Variants in TRPM3 observed in about 807,000 individuals in gnomAD.
TRPM3 encodes the protein transient receptor potential cation channel subfamily M member 3.
TRPM3 carries 77 observed loss-of-function variants against 181.2 expected under a neutral mutation model. The ratio of observed to expected loss-of-function variants is 0.42; its 90% CI spans 0.35 to 0.51. TRPM3 has a LOEUF of 0.51. TRPM3 is among the 20% of genes least tolerant of loss of function. TRPM3 has a pLI of 0.01. For missense variants in TRPM3, 1,759 were observed against 2,196.7 expected (o/e 0.80, Z 3.98); for synonymous variants, 745 against 796.4 (o/e 0.94, Z 1.09).
intron 1 of TRPM3, among the ~76,000 whole-genome samples, chr9:70,905,277 C>G (rs976671093): frequency 1.3e-5 from 2 of 152,136 alleles, no homozygotes; most frequent in African/African-American, 4.8e-5. Context: ...CTGGAGATAC[C>G]AAATACACAT....
intron 1 of TRPM3, among the ~76,000 whole-genome samples, chr9:71,114,801 A>G (rs964533447): frequency 1.3e-5 from 2 of 152,192 alleles, no homozygotes; most frequent in Non-Finnish European, 2.9e-5. Flanking sequence ...AAGGGGGCAT[A>G]TGTAGGATGT....
chr9:70,573,699 C>T (rs896364186), intron 22 of TRPM3, among the ~76,000 whole-genome samples: 4 of 152,084 alleles, frequency 2.6e-5, no homozygotes, highest in African/African-American at 9.7e-5. Context: ...AAAAAAAACC[C>T]TTGAATTTCC....
chr9:70,615,604 G>A (rs1235767974), intron 18 of TRPM3, among the ~76,000 whole-genome samples: 2 of 152,130 alleles, frequency 1.3e-5, no homozygotes, highest in Non-Finnish European at 2.9e-5. Flanking sequence ...CACATCATCT[G>A]GTTGTTTAAA....
At chr9:71,292,531 A>G (rs2085904271) in intron 1 of TRPM3, among the ~76,000 whole-genome samples, 1 of 152,034 alleles carries the variant, frequency 6.6e-6, no homozygotes, top group African/African-American at 2.4e-5. Flanking sequence ...GAACATTCTT[A>G]GAAATGTGTG....
chr9:71,119,766 T>C (rs1346370253), intron 1 of TRPM3, among the ~76,000 whole-genome samples: 2 of 152,132 alleles, frequency 1.3e-5, no homozygotes, highest in Admixed American at 6.5e-5. Context: ...CTGGAGAAAA[T>C]GTACACCAAT....
intron 6 of TRPM3, among the ~76,000 whole-genome samples, chr9:70,786,311 CAAAAAAAA>C (rs71367227): frequency 9.2e-5 from 5 of 54,472 alleles, no homozygotes; most frequent in Admixed American, 2.5e-4. Flanking sequence ...CTAAAAATAC[CAAAAAAAA>C]AAAAAAAAAA....
At chr9:70,967,410 T>A (rs1268962689) in intron 1 of TRPM3, among the ~76,000 whole-genome samples, 1 of 151,972 alleles carries the variant, frequency 6.6e-6, no homozygotes, top group Non-Finnish European at 1.5e-5. Context: ...TTAAATTTTT[T>A]AAAAATATAA....
At chr9:70,554,208 A>T (rs1301735948) in intron 22 of TRPM3, among the ~76,000 whole-genome samples, 1 of 152,190 alleles carries the variant, frequency 6.6e-6, no homozygotes, top group Non-Finnish European at 1.5e-5. Flanking sequence ...AAAGCTTCTT[A>T]GTGCTGCACA....
rs72731746 is a variant in TRPM3 at position 71,003,031 on chromosome 9, A to C, written c.177+118147T>G. On this transcript the variant is annotated intron_variant, in intron 1 of 25. Coordinates refer to ENST00000677713, the MANE Select transcript of TRPM3 (RefSeq NM_001366145.2). ...AGCCTCTTTAAGCTCTTTAAATATA[A>C]AACTAATCTACTGGCTTTTATATTT... Among the ~76,000 whole-genome samples the C allele has an allele frequency of 1.7e-4, 26 of 152,252 alleles. No homozygotes were observed. In the South Asian group the frequency reaches 5.2e-3, roughly 30 times the overall value.
chr9:70,797,524 T>C (rs62545981), intron 6 of TRPM3, among the ~76,000 whole-genome samples: 9,695 of 152,208 alleles, frequency 0.064, 427 homozygotes, highest in Non-Finnish European at 0.1. Flanking sequence ...CGTCTCCCCA[T>C]CTCTTCCAGA....
chr9:71,302,062 T>C (rs367992132), intron 1 of TRPM3, among the ~76,000 whole-genome samples: 1 of 152,096 alleles, frequency 6.6e-6, no homozygotes, highest in East Asian at 1.9e-4. Context: ...TATAGCAAAC[T>C]CCAAATGTCT....
At chr9:71,421,001 G>GAGAGAGAAAAAGAGAGAAAAAGAGAAAA (rs1563912691) in intron 1 of TRPM3, among the ~76,000 whole-genome samples, 1 of 123,022 alleles carries the variant, frequency 8.1e-6, no homozygotes, top group Non-Finnish European at 1.8e-5. Flanking sequence ...GAGAGAAAAA[G>GAGAGAGAAAAAGAGAGAAAAAGAGAAAA]AGAGAAAAAG....
intron 1 of TRPM3, among the ~76,000 whole-genome samples, chr9:70,947,636 T>TGG (rs2096949543): frequency 6.6e-6 from 1 of 152,138 alleles, no homozygotes; most frequent in Non-Finnish European, 1.5e-5. Context: ...AGCTCAGAGC[T>TGG]CAGAGAAGGT....
At chr9:71,385,541 TG>T (rs2092904697) in intron 1 of TRPM3, among the ~76,000 whole-genome samples, 1 of 152,158 alleles carries the variant, frequency 6.6e-6, no homozygotes, top group Non-Finnish European at 1.5e-5. Context: ...ACTTCCAATA[TG>T]GCTTATTTCC....
Position 70,843,014 on chromosome 9 carries a change from T to C in TRPM3, c.790A>G (p.Ile264Val). The C allele has an allele frequency of 6.2e-7, 1 of 1,613,814 alleles. No individual in the cohort carries two copies. Among genetic ancestry groups the C allele is most frequent in the Non-Finnish European group, 8.5e-7 (1 of 1,179,860 alleles). Residue 264 changes from isoleucine to valine, a missense_variant, in exon 5 of 26, where the codon ATT (isoleucine) becomes GTT (valine). Physicochemically the swap from Ile to Val is conservative, Grantham distance 29. Coordinates refer to ENST00000677713, the MANE Select transcript of TRPM3 (RefSeq NM_001366145.2). ...CACTCAGGACTTACATCTCTTCCAA[T>C]GAGGTCCTCCTGGTTTTCCACAATT... ...WGIVENQEDL[I>V]GRDVVRPYQT... is the part of the protein sequence containing the mutation.
At chr9:70,601,543 G>A (rs1272896561) in intron 20 of TRPM3, among the ~76,000 whole-genome samples, 4 of 152,132 alleles carry the variant, frequency 2.6e-5, no homozygotes, top group Non-Finnish European at 5.9e-5. Context: ...TTCAGGGCAG[G>A]ACACAGGGGT....
At chr9:71,161,215 A>T (rs1205953292) in intron 1 of TRPM3, among the ~76,000 whole-genome samples, 2 of 152,136 alleles carry the variant, frequency 1.3e-5, no homozygotes, top group Admixed American at 1.3e-4. Flanking sequence ...ACGAACTCCA[A>T]GCCCTTCTCT....
At chr9:71,115,290 C>T (rs1382814208) in intron 1 of TRPM3, among the ~76,000 whole-genome samples, 1 of 152,078 alleles carries the variant, frequency 6.6e-6, no homozygotes, top group East Asian at 1.9e-4. Flanking sequence ...ATGCAAATTC[C>T]TGAACCCACC....
chr9:71,007,039 C>CAAAAAAAAAAAAAAAAAA (rs59442017), intron 1 of TRPM3, among the ~76,000 whole-genome samples: 15 of 27,982 alleles, frequency 5.4e-4, no homozygotes, highest in Non-Finnish European at 7.6e-4. Flanking sequence ...AACTCCATCT[C>CAAAAAAAAAAAAAAAAAA]AAAAAAAAAA....
Sources: allele counts gnomAD v4.1 joint callset (sites outside exome capture counted in the v4.1 genomes callset), GRCh38; gene constraint gnomAD v4.1.1; transcripts MANE v1.5; gene names NCBI Gene and HGNC (gene_info 2026-07-23, HGNC 2026-07-21).